The following PDS5B variants were observed in gnomAD, a reference collection of about 807,000 sequenced individuals.
PDS5B encodes the protein sister chromatid cohesion protein PDS5 homolog B.
Under a neutral mutation model 184.1 loss-of-function variants are expected in PDS5B, and 51 were observed. That is an observed-to-expected ratio of 0.28 (90% confidence interval 0.22 to 0.35). PDS5B has a LOEUF of 0.35. Among genes scored for constraint, PDS5B ranks in the 10% least tolerant of loss-of-function variants. The pLI is 1.00. For synonymous variants in PDS5B, 566 were observed against 569.2 expected (o/e 0.99, Z 0.08); for missense variants, 1,180 against 1,723.3 (o/e 0.68, Z 5.58).
intron 1 of PDS5B, among the ~76,000 whole-genome samples, chr13:32,631,080 A>G (rs971646930): frequency 1.4e-4 from 20 of 147,774 alleles, no homozygotes; most frequent in Admixed American, 1.2e-3. Flanking sequence ...GGCATGAGCC[A>G]CCACACCTGG....
chr13:32,652,041 C>G (rs146037518), intron 3 of PDS5B, 34 bp downstream of exon 3: 2 of 1,375,256 alleles, frequency 1.5e-6, no homozygotes, highest in African/African-American at 2.9e-5. Context: ...CAAGATTGAC[C>G]GATACTTTGA....
At chr13:32,671,065 TA>T (rs1452714705) in intron 7 of PDS5B, among the ~76,000 whole-genome samples, 1 of 152,232 alleles carries the variant, frequency 6.6e-6, no homozygotes, top group Non-Finnish European at 1.5e-5. Flanking sequence ...CTACCTCCAC[TA>T]AATTTTCACC....
rs573661840 is a variant in PDS5B, at chr13:32,732,497, A to G, written c.2247+273A>G. On this transcript the variant is annotated intron_variant, in intron 20 of 34. Coordinates refer to ENST00000315596, the MANE Select transcript of PDS5B (RefSeq NM_015032.4). ...TGGAGACTATTTTTTGTTAACAGGT[A>G]ATTACATATAAAATCATAGTTACAG... Among the ~76,000 whole-genome samples, 8 of 152,266 alleles carry G rather than the reference A, an allele frequency of 5.3e-5. No individual in the cohort carries two copies. The South Asian group carries it at 1.2e-3, about 24-fold the overall frequency.
intron 6 of PDS5B, among the ~76,000 whole-genome samples, chr13:32,661,200 A>G (rs1950632617): frequency 6.6e-6 from 1 of 151,990 alleles, no homozygotes; most frequent in Non-Finnish European, 1.5e-5. Flanking sequence ...CCTGGCCAAC[A>G]TGGTGAAACC....
chr13:32,608,503 G>T (rs534063070), intron 1 of PDS5B, among the ~76,000 whole-genome samples: 28 of 152,274 alleles, frequency 1.8e-4, no homozygotes, highest in African/African-American at 6.7e-4. Flanking sequence ...TGTAGGAAGC[G>T]TTTGTATGCT....
At chr13:32,680,961 T>C (rs1951222053) in intron 10 of PDS5B, among the ~76,000 whole-genome samples, 1 of 152,218 alleles carries the variant, frequency 6.6e-6, no homozygotes, top group Non-Finnish European at 1.5e-5. Context: ...GATTTGTACA[T>C]GGCTAAATAG....
At chr13:32,752,737 C>T (rs555713308) in intron 24 of PDS5B, among the ~76,000 whole-genome samples, 4 of 152,130 alleles carry the variant, frequency 2.6e-5, no homozygotes, top group South Asian at 2.1e-4. Flanking sequence ...AGCAGGCACA[C>T]GGGTAATAAT....
At chr13:32,655,281 T>C (rs1020161609) in intron 3 of PDS5B, among the ~76,000 whole-genome samples, 7 of 149,234 alleles carry the variant, frequency 4.7e-5, no homozygotes, top group Non-Finnish European at 7.4e-5. Context: ...CTCTAATCAG[T>C]GATGTTGAGC....
At chr13:32,629,081 C>G (rs1220733270) in intron 1 of PDS5B, among the ~76,000 whole-genome samples, 1 of 152,078 alleles carries the variant, frequency 6.6e-6, no homozygotes, top group Non-Finnish European at 1.5e-5. Context: ...TCAAATTTTT[C>G]TCTGTGAACT....
intron 11 of PDS5B, among the ~76,000 whole-genome samples, chr13:32,685,385 T>C (rs573627404): frequency 1.5e-4 from 23 of 152,130 alleles, no homozygotes; most frequent in African/African-American, 5.3e-4. Flanking sequence ...TCTAAATACC[T>C]TTTTTCTCAG....
At chr13:32,622,620 A>C (rs2058317780) in intron 1 of PDS5B, among the ~76,000 whole-genome samples, 1 of 152,200 alleles carries the variant, frequency 6.6e-6, no homozygotes, top group South Asian at 2.1e-4. Context: ...GTAGTGGAAA[A>C]GATGTGTTAA....
At chr13:32,752,768 A>G (rs1279643484) in intron 24 of PDS5B, among the ~76,000 whole-genome samples, 1 of 152,134 alleles carries the variant, frequency 6.6e-6, no homozygotes, top group Non-Finnish European at 1.5e-5. Context: ...TAAGTATAGA[A>G]GTCAAAATAA....
At chr13:32,749,845 A>G (rs1953910827) in intron 24 of PDS5B, among the ~76,000 whole-genome samples, 1 of 152,090 alleles carries the variant, frequency 6.6e-6, no homozygotes. Context: ...GGGCGGGGAC[A>G]TTTGTAGTAT....
intron 1 of PDS5B, among the ~76,000 whole-genome samples, chr13:32,646,451 G>C (rs1322169787): frequency 8.8e-6 from 1 of 113,272 alleles, no homozygotes; most frequent in Non-Finnish European, 1.7e-5. Flanking sequence ...ATGGTCATTT[G>C]TGTTTTCTGT....
intron 19 of PDS5B, among the ~76,000 whole-genome samples, chr13:32,714,991 A>G (rs1296047628): frequency 1.3e-5 from 2 of 152,228 alleles, no homozygotes; most frequent in Non-Finnish European, 2.9e-5. Context: ...AAAGACAGGC[A>G]TAAGAAATTA....
intron 23 of PDS5B, among the ~76,000 whole-genome samples, chr13:32,745,747 A>G (rs1953719488): frequency 6.6e-6 from 1 of 152,128 alleles, no homozygotes; most frequent in African/African-American, 2.4e-5. Context: ...AATCCCATTC[A>G]TGAGGGTTTC....
intron 19 of PDS5B, among the ~76,000 whole-genome samples, chr13:32,714,306 A>T (rs1475487651): frequency 1.3e-5 from 2 of 152,222 alleles, no homozygotes; most frequent in African/African-American, 4.8e-5. Context: ...AAAATTTATT[A>T]GGCGGGAATT....
intron 13 of PDS5B, chr13:32,690,029 C>T (rs1231525389): frequency 2.0e-5 from 3 of 151,696 alleles, no homozygotes; most frequent in Non-Finnish European, 4.4e-5. Flanking sequence ...TAAAGAATAA[C>T]CTTATTTTGG....
intron 24 of PDS5B, among the ~76,000 whole-genome samples, chr13:32,748,742 G>A (rs1198631552): frequency 1.3e-5 from 2 of 151,948 alleles, no homozygotes; most frequent in Non-Finnish European, 2.9e-5. Context: ...GTAGTTCACA[G>A]ATCTATTCTT....
Sources: allele counts gnomAD v4.1 joint callset (sites outside exome capture counted in the v4.1 genomes callset), GRCh38; gene constraint gnomAD v4.1.1; transcripts MANE v1.5; gene names NCBI Gene and HGNC (gene_info 2026-07-23, HGNC 2026-07-21).